DSPP: variants seen among roughly 807,000 people sequenced by gnomAD.
DSPP encodes the protein dentin sialophosphoprotein, also known as deafness, autosomal dominant 39.
A neutral mutation model predicts 29.1 loss-of-function variants in DSPP; 28 were observed. The observed-to-expected ratio is 0.96, with a 90% CI of 0.71 to 1.32. The LOEUF is 1.32. DSPP is among the 40% of genes most tolerant of loss of function. The pLI, the probability that DSPP is intolerant of heterozygous loss-of-function variation, is 0.00. For synonymous variants in DSPP, 481 were observed against 503.4 expected, an observed-to-expected ratio of 0.96 and a Z score of 0.60; for missense variants, 1,281 against 1,629.9, an observed-to-expected ratio of 0.79 and a Z score of 3.69.
Position 87,616,827 on chromosome 4 carries a change from T to A in DSPP, c.*259T>A. On this transcript the variant is annotated 3_prime_UTR_variant, in exon 5 of 5. Coordinates refer to ENST00000651931, the MANE Select transcript of DSPP (RefSeq NM_014208.3). ...AAATATTTTGTTAAAAGTGTAAATC[T>A]AAACATAAAAGAACAATTAAAATAT... The A allele has an allele frequency of 1.6e-6, 1 of 635,198 alleles. No individual in the cohort carries two copies. The highest frequency in any genetic ancestry group is 2.7e-6 in the Non-Finnish European group (1 of 370,888). 39.3% of individuals were successfully genotyped at this position (635,198 alleles called of 1,614,324 possible).
rs368972417 is a variant in DSPP at position 87,609,501 on chromosome 4, G to T, written c.-29+881G>T. ...AGAGCTCTGCATGATACTTGTCCTG[G>T]TGTCACCTCAGCCTCACTTGAATCT... On this transcript the variant is annotated intron_variant, in intron 1 of 4. Transcript: ENST00000651931. Among the ~76,000 whole-genome samples, 112 of 152,258 alleles carry T rather than the reference G, an allele frequency of 7.4e-4. 5 individuals are homozygous for T. The East Asian group carries it at 8.7e-3, about 12-fold the overall frequency.
In DSPP at chr4:87,612,206, T is replaced by G; in HGVS notation, c.135+18T>G. On this transcript the variant is annotated intron_variant, in intron 3 of 4. Transcript: ENST00000651931. ...CAGTACAGGTATAGGATGTAATATA[T>G]TTCATTTTATTTCCTATTTCTGAGT... The G allele has an allele frequency of 6.2e-7, 1 of 1,613,424 alleles. No homozygotes were observed. Among genetic ancestry groups the G allele is most frequent in the South Asian group, 1.1e-5 (1 of 90,964 alleles).
At position 87,613,289 on chromosome 4, in the gene DSPP, T is replaced by C. The variant is rs761537772; in HGVS notation, c.1103T>C (p.Val368Ala). The C allele has an allele frequency of 1.2e-6, 2 of 1,613,414 alleles. No homozygotes were observed. The highest frequency in any genetic ancestry group is 1.7e-6 in the Non-Finnish European group (2 of 1,180,004). ...RITKESETHA[V>A]GKSQDKGIEI... ...ACCAAAGAATCAGAGACACATGCTGTTGGGAAGAGCCAAGATAAGGTTAGT... is the reference window on the plus strand; with the variant it reads ...ACCAAAGAATCAGAGACACATGCTGCTGGGAAGAGCCAAGATAAGGTTAGT... Residue 368 changes from valine to alanine, a missense_variant, in exon 4 of 5, where the codon GTT (valine) becomes GCT (alanine). This residue lies in a region of DSPP where 631 missense variants were observed against 643.2 expected (regional missense o/e 0.98). Coordinates refer to ENST00000651931, the MANE Select transcript of DSPP (RefSeq NM_014208.3).
Position 87,611,037 on chromosome 4 carries a change from G to C in DSPP, c.51+78G>C, listed in dbSNP as rs1413198735. The C allele has an allele frequency of 9.2e-6, 9 of 978,934 alleles. No homozygotes were observed. In the African/African-American group the frequency reaches 1.4e-4, roughly 16 times the overall value. 60.6% of individuals were successfully genotyped at this position (978,934 alleles called of 1,614,324 possible). ...AACATTAATACAAAATGTAGTGTGT[G>C]TGTGTGTGTGTGTGTGTGTGTGTGT... On this transcript the variant is annotated intron_variant, in intron 2 of 4. Transcript: ENST00000651931.
intron 2 of DSPP, 32 bp downstream of exon 2, chr4:87,610,991 C>G (rs767281732): frequency 2.4e-5 from 39 of 1,594,750 alleles, no homozygotes; most frequent in Non-Finnish European, 3.2e-5. Flanking sequence ...AACCTCTTCA[C>G]TTTGTTATCT....
In DSPP at chr4:87,616,558, G is replaced by A. The variant is rs1301158659; in HGVS notation, c.3896G>A (p.Ser1299Asn). The change falls in exon 5 of 5, where the codon AGT becomes AAT. Residue 1299 changes from serine (S) to asparagine (N), a missense_variant. By Grantham distance (46) the Ser-to-Asn change is conservative. Transcript: ENST00000651931. ...GGCAGTGACAGTAACCACTCAACCA[G>A]TGATGATTAGAACAAAAGAAAAACC... is the stretch of plus-strand genomic sequence containing the variant. ...SEGSDSNHST[S>N]DD 1.9e-6 allele frequency: 3 copies of A among 1,551,640 alleles called. No individual in the cohort carries two copies. The highest frequency in any genetic ancestry group is 2.6e-6 in the Non-Finnish European group (3 of 1,147,008).
chr4:87,612,705 T>G lies in DSPP; in HGVS notation c.519T>G (p.Asn173Lys). ...QNGDVGDAGH[N>K]EDVAVVQEDG... Reference sequence around the variant, plus strand: ...GGGATGTTGGCGATGCAGGTCACAATGAGGATGTCGCTGTTGTCCAAGAAG... The same window carrying G: ...GGGATGTTGGCGATGCAGGTCACAAGGAGGATGTCGCTGTTGTCCAAGAAG... Residue 173 changes from asparagine (N) to lysine (K), a missense_variant, in exon 4 of 5, where the codon AAT becomes AAG. Physicochemically the swap from Asn to Lys is moderately conservative, Grantham distance 94. This residue lies in a region of DSPP where 631 missense variants were observed against 643.2 expected (regional missense o/e 0.98). Coordinates refer to ENST00000651931, the MANE Select transcript of DSPP (RefSeq NM_014208.3). 6.2e-7 allele frequency: 1 copy of G among 1,614,132 alleles called. No individual in the cohort carries two copies. Among genetic ancestry groups the G allele is most frequent in the African/African-American group, 1.3e-5 (1 of 75,038 alleles).
chr4:87,614,811 G>A lies in DSPP; in HGVS notation c.2149G>A (p.Asp717Asn). 1 of 1,547,340 alleles carries A rather than the reference G, an allele frequency of 6.5e-7. No homozygotes were observed. The highest frequency in any genetic ancestry group is 8.7e-7 in the Non-Finnish European group (1 of 1,146,324). Residue 717 changes from aspartate (D) to asparagine (N), a missense_variant, in exon 5 of 5, where the codon GAC becomes AAC. By Grantham distance (23) the Asp-to-Asn change is conservative. Transcript: ENST00000651931. ...SSDSDSSDSS[D>N]SSNSNSSDSD... ...TGATAGTGACAGCAGTGATAGTAGT[G>A]ACAGCAGTAATAGTAACAGCAGCGA...
In DSPP at chr4:87,610,873, T is replaced by C; in HGVS notation, c.-28-8T>C. On this transcript the variant is annotated splice_region_variant and splice_polypyrimidine_tract_variant and intron_variant, in intron 1 of 4. Transcript: ENST00000651931. ...TAAGTAATTTTGTGCTGTTCCTTTT[T>C]TATACAGCCATTGATTATTATTATT... The C allele has an allele frequency of 6.4e-7, 1 of 1,571,862 alleles. No individual in the cohort carries two copies. Among genetic ancestry groups the C allele is most frequent in the Non-Finnish European group, 8.8e-7 (1 of 1,141,654 alleles).
chr4:87,613,931 A>G lies in DSPP; in HGVS notation c.1269A>G (p.Ile423Met), dbSNP rs1186933963. The G allele has an allele frequency of 6.2e-7, 1 of 1,614,120 alleles. No homozygotes were observed. Among genetic ancestry groups the G allele is most frequent in the African/African-American group, 1.3e-5 (1 of 74,948 alleles). ...NVKTQGEVVN[I>M]EGPGQKSEPG... ...AGACACAAGGAGAGGTTGTCAACAT[A>G]GAAGGACCTGGCCAAAAATCAGAAC... Residue 423 changes from isoleucine (I) to methionine (M), a missense_variant, in exon 5 of 5, where the codon ATA becomes ATG. Physicochemically the swap from Ile to Met is conservative, Grantham distance 10. This residue lies in a region of DSPP where 631 missense variants were observed against 643.2 expected (regional missense o/e 0.98). Coordinates refer to ENST00000651931, the MANE Select transcript of DSPP (RefSeq NM_014208.3).
Position 87,613,188 on chromosome 4 carries a change from A to G in DSPP, c.1002A>G (p.Glu334=). 6.2e-7 allele frequency: 1 copy of G among 1,614,128 alleles called. No individual in the cohort carries two copies. The part of the protein sequence containing the change: ...KSEENSAGIP[E]DNGSQRIEDT... ...AGGAGAATTCTGCTGGTATTCCAGAAGACAATGGCAGCCAAAGAATAGAGG... is the reference window on the plus strand; with the variant it reads ...AGGAGAATTCTGCTGGTATTCCAGAGGACAATGGCAGCCAAAGAATAGAGG... The change falls in exon 4 of 5, where the codon GAA becomes GAG. Residue 334 remains glutamate (E), a synonymous_variant. Transcript: ENST00000651931.
chr4:87,612,032 T>A, intron 2 of DSPP, 73 bp from the exon 3 acceptor site: 2 of 1,260,374 alleles, frequency 1.6e-6, no homozygotes, highest in East Asian at 2.4e-5. Flanking sequence ...TGTGTGTGTG[T>A]GTGTGTGTGC....
intron 4 of DSPP, among the ~76,000 whole-genome samples, chr4:87,613,528 T>C (rs987453052): frequency 1.3e-5 from 2 of 152,250 alleles, no homozygotes; most frequent in East Asian, 1.9e-4. Context: ...AGAAAAGTCT[T>C]ATGTGAAATC....
rs1727961048 is a variant in DSPP, at chr4:87,616,537, G to A, written c.3875G>A (p.Ser1292Asn). 1 of 1,551,680 alleles carries A rather than the reference G, an allele frequency of 6.4e-7. No individual in the cohort carries two copies. The highest frequency in any genetic ancestry group is 8.7e-7 in the Non-Finnish European group (1 of 1,147,014). ...GSDSDSDSEGSDSNHSTSDD is the reference protein window; with the variant it reads ...GSDSDSDSEGNDSNHSTSDD ...GACAGTGACAGTGACAGTGAAGGCA[G>A]TGACAGTAACCACTCAACCAGTGAT... The change falls in exon 5 of 5, where the codon AGT becomes AAT. Residue 1292 changes from serine to asparagine, a missense_variant. Ser to Asn is a conservative substitution (Grantham distance 46). Coordinates refer to ENST00000651931, the MANE Select transcript of DSPP (RefSeq NM_014208.3).
chr4:87,614,676 AGTGATAGCAGTG>A lies in DSPP; in HGVS notation c.2015_2026del (p.Ser672_Asp676delinsAsn), dbSNP rs1283413361. 6.5e-7 allele frequency: 1 copy of A among 1,542,424 alleles called. No individual in the cohort carries two copies. Among genetic ancestry groups the A allele is most frequent in the East Asian group, 2.5e-5 (1 of 40,680 alleles). ...TAACAGCAGTGATAGTAGTGACAGCAGTGATAGCAGTGACAGCAGCAGTAGCAGTGACAGCAG... is the reference window on the plus strand; with the variant it reads ...TAACAGCAGTGATAGTAGTGACAGCAACAGCAGCAGTAGCAGTGACAGCAG... On this transcript the variant is annotated inframe_deletion, in exon 5 of 5. Transcript: ENST00000651931.
intron 1 of DSPP, among the ~76,000 whole-genome samples, 152 bp downstream of exon 1, chr4:87,608,772 T>C (rs752147257): frequency 1.8e-4 from 27 of 152,184 alleles, no homozygotes; most frequent in Non-Finnish European, 2.8e-4. Context: ...ATTGATAGTA[T>C]GTATAAAAGA....
intron 2 of DSPP, 81 bp downstream of exon 2, chr4:87,611,040 T>TGTGC (rs1481267575): frequency 9.7e-7 from 1 of 1,026,340 alleles, no homozygotes; most frequent in Non-Finnish European, 1.5e-6. Context: ...AGTGTGTGTG[T>TGTGC]GTGTGTGTGT....
rs1426380802 is a variant in DSPP at position 87,616,555 on chromosome 4, C to T, written c.3893C>T (p.Thr1298Ile). Residue 1298 changes from threonine (T) to isoleucine (I), a missense_variant, in exon 5 of 5, where the codon ACC (threonine) becomes ATC (isoleucine). Physicochemically the swap from Thr to Ile is moderately conservative, Grantham distance 89. This residue lies in a region of DSPP where 134 missense variants were observed against 185.0 expected (regional missense o/e 0.72). Transcript: ENST00000651931. ...DSEGSDSNHS[T>I]SDD is the part of the protein sequence containing the mutation. ...GAAGGCAGTGACAGTAACCACTCAA[C>T]CAGTGATGATTAGAACAAAAGAAAA... 3.9e-6 allele frequency: 6 copies of T among 1,551,680 alleles called. No individual in the cohort carries two copies. Among genetic ancestry groups the T allele is most frequent in the African/African-American group, 1.4e-5 (1 of 73,130 alleles).
chr4:87,614,017 G>T lies in DSPP; in HGVS notation c.1355G>T (p.Ser452Ile), dbSNP rs763139218. 1.9e-6 allele frequency: 3 copies of T among 1,614,230 alleles called. No homozygotes were observed. In the South Asian group the frequency reaches 3.3e-5, roughly 18 times the overall value. ...GACAGCAATAGTGATGGATATGACA[G>T]TTATGATTTTGATGATAAGTCCATG... is the stretch of plus-strand genomic sequence containing the variant. ...GSDSNSDGYD[S>I]YDFDDKSMQG... Residue 452 changes from serine to isoleucine, a missense_variant, in exon 5 of 5, where the codon AGT becomes ATT. Around this residue, in one of 4 missense-constraint regions of DSPP, gnomAD observed 631 missense variants for 643.2 expected, o/e 0.98. Coordinates refer to ENST00000651931, the MANE Select transcript of DSPP (RefSeq NM_014208.3).
Sources: gnomAD v4.1 joint callset for allele counts (sites outside exome capture counted in the v4.1 genomes callset) on GRCh38, gnomAD v4.1.1 for gene constraint, gnomAD v4.1.1 regional missense constraint, MANE v1.5 for transcripts, NCBI Gene and HGNC (gene_info 2026-07-23, HGNC 2026-07-21) for gene names.